SREK1IP1: variants seen among roughly 807,000 people sequenced by gnomAD.
The protein encoded by SREK1IP1 is protein SREK1IP1.
A neutral mutation model predicts 22.8 loss-of-function variants in SREK1IP1; 12 were observed. That is an observed-to-expected ratio of 0.53 (90% CI 0.34 to 0.85). The LOEUF (loss-of-function observed/expected upper bound fraction) is 0.85, where lower values mean the gene tolerates loss of function less well. SREK1IP1 is among the 40% of genes least tolerant of loss of function. The pLI is 0.02. For missense variants in SREK1IP1, 147 were observed against 171.8 expected (o/e 0.86, Z 0.81); for synonymous variants, 53 against 52.7 (o/e 1.01, Z -0.02).
At position 64,739,583 on chromosome 5, in the gene SREK1IP1, A is replaced by G. The variant is rs189537744; in HGVS notation, c.205+1474T>C. Among the ~76,000 whole-genome samples the G allele has an allele frequency of 5.0e-4, 76 of 152,240 alleles. 1 individual carries two copies. Among genetic ancestry groups the G allele is most frequent in the African/African-American group, 1.6e-3 (68 of 41,560 alleles). On this transcript the variant is annotated intron_variant, in intron 3 of 4. Transcript: ENST00000513458. ...AAGAATTTAGCTTTTTCAAGAGTGT[A>G]ATCAGTTATCACTCTTCTGCTTTTC...
At chr5:64,750,498 T>C (rs1208949622) in intron 2 of SREK1IP1, among the ~76,000 whole-genome samples, 2 of 152,058 alleles carry the variant, frequency 1.3e-5, no homozygotes, top group Non-Finnish European at 2.9e-5. Context: ...CCTCACAGAG[T>C]AGTCAGGCAA....
chr5:64,729,403 A>G (rs892136816), intron 3 of SREK1IP1, among the ~76,000 whole-genome samples: 1 of 152,216 alleles, frequency 6.6e-6, no homozygotes, highest in Non-Finnish European at 1.5e-5. Flanking sequence ...CGTTCTAGAA[A>G]CTAAGAAGAG....
At chr5:64,758,185 T>C (rs922220862) in intron 1 of SREK1IP1, among the ~76,000 whole-genome samples, 1 of 151,880 alleles carries the variant, frequency 6.6e-6, no homozygotes, top group Non-Finnish European at 1.5e-5. Context: ...CCTTCTTTTT[T>C]TGAGACTGAG....
rs1394676642 is a variant in SREK1IP1, at chr5:64,754,439, C to T, written c.14-77G>A. 2.2e-6 allele frequency: 3 copies of T among 1,387,420 alleles called. No individual in the cohort carries two copies. The African/African-American group carries it at 4.4e-5, about 20-fold the overall frequency. 85.9% of individuals were successfully genotyped at this position (1,387,420 alleles called of 1,614,324 possible). On this transcript the variant is annotated intron_variant, in intron 1 of 4. Transcript: ENST00000513458. Reference sequence around the variant, plus strand: ...TAAAAACTTTATTGTATGAAAAAAGCTAAGAAAAACCATTTGTTATAGAAT... The same window carrying T: ...TAAAAACTTTATTGTATGAAAAAAGTTAAGAAAAACCATTTGTTATAGAAT...
chr5:64,733,430 T>C (rs1018060947), intron 3 of SREK1IP1, among the ~76,000 whole-genome samples: 2 of 152,114 alleles, frequency 1.3e-5, no homozygotes, highest in Non-Finnish European at 2.9e-5. Context: ...AATGAAAAGA[T>C]GTATAACATC....
chr5:64,755,188 G>A (rs930217976), intron 1 of SREK1IP1, among the ~76,000 whole-genome samples: 5 of 149,384 alleles, frequency 3.3e-5, no homozygotes, highest in Middle Eastern at 3.2e-3. Flanking sequence ...ACTATCATTC[G>A]ACCCAGCAAT....
chr5:64,740,988 G>A (rs1315414386), intron 3 of SREK1IP1, 69 bp downstream of exon 3: 1 of 1,391,050 alleles, frequency 7.2e-7, no homozygotes, highest in East Asian at 2.3e-5. Flanking sequence ...TAAGTATAAT[G>A]GAAAGCATGA....
chr5:64,755,507 T>C (rs73097699), intron 1 of SREK1IP1, among the ~76,000 whole-genome samples: 7,685 of 152,020 alleles, frequency 0.051, 553 homozygotes, highest in African/African-American at 0.16. Context: ...AGCTGAAACA[T>C]TGGGTACTCA....
chr5:64,746,290 A>C lies in SREK1IP1; in HGVS notation c.62-5090T>G, dbSNP rs1261584269. ...GAAGAAAGCATAGGAGTAAATGTTC[A>C]TTACCTTGGATTTGGCAATGGATTC... On this transcript the variant is annotated intron_variant, in intron 2 of 4. Transcript: ENST00000513458. 7.2e-5 allele frequency among the ~76,000 whole-genome samples: 11 copies of C among 152,354 alleles called. No homozygotes were observed. In the South Asian group the frequency reaches 2.3e-3, roughly 32 times the overall value.
rs1318177403 is a variant in SREK1IP1, at chr5:64,720,471, T to A, written c.*3913A>T. The A allele has an allele frequency of 6.6e-6, 1 of 151,898 alleles. No homozygotes were observed. The highest frequency in any genetic ancestry group is 1.5e-5 in the Non-Finnish European group (1 of 67,986). The allele number at this position is 151,898 out of a possible 1,614,324, so 9.4% of individuals were successfully genotyped here. On this transcript the variant is annotated 3_prime_UTR_variant, in exon 5 of 5. Coordinates refer to ENST00000513458, the MANE Select transcript of SREK1IP1 (RefSeq NM_173829.4). Reference sequence around the variant, plus strand: ...GGGATTAATCGGATTATGAAATTGATAAAACCAAACCCTAATAAAAGTCAT... The same window carrying A: ...GGGATTAATCGGATTATGAAATTGAAAAAACCAAACCCTAATAAAAGTCAT...
chr5:64,756,063 A>C (rs1199841113), intron 1 of SREK1IP1, among the ~76,000 whole-genome samples: 2 of 152,162 alleles, frequency 1.3e-5, no homozygotes, highest in Non-Finnish European at 2.9e-5. Flanking sequence ...AATATTTACA[A>C]ATACAGTAAT....
At chr5:64,754,049 AACT>A (rs1435085308) in intron 2 of SREK1IP1, among the ~76,000 whole-genome samples, 8 of 152,202 alleles carry the variant, frequency 5.3e-5, no homozygotes, top group Non-Finnish European at 1.0e-4. Flanking sequence ...ACTTTCTCCA[AACT>A]CCTTAATCTA....
chr5:64,741,258 T>G, intron 2 of SREK1IP1, 58 bp from the exon 3 acceptor site: 2 of 1,506,054 alleles, frequency 1.3e-6, no homozygotes, highest in Non-Finnish European at 1.8e-6. Flanking sequence ...ATTATGTATT[T>G]TTGTATGTTT....
intron 2 of SREK1IP1, among the ~76,000 whole-genome samples, chr5:64,746,683 G>A (rs530617508): frequency 2.6e-5 from 4 of 152,220 alleles, no homozygotes; most frequent in East Asian, 1.9e-4. Flanking sequence ...TACTCACAAC[G>A]CTTCTGACAT....
chr5:64,758,657 T>C (rs1742892218), intron 1 of SREK1IP1, among the ~76,000 whole-genome samples: 1 of 152,214 alleles, frequency 6.6e-6, no homozygotes, highest in Admixed American at 6.5e-5. Flanking sequence ...TCATTACTAT[T>C]ACTACAACAG....
At chr5:64,725,320 A>T (rs1344630391) in intron 4 of SREK1IP1, among the ~76,000 whole-genome samples, 1 of 152,222 alleles carries the variant, frequency 6.6e-6, no homozygotes, top group East Asian at 1.9e-4. Context: ...CTATCTTTTA[A>T]GATCTTACTT....
At chr5:64,753,357 T>C (rs1326541045) in intron 2 of SREK1IP1, among the ~76,000 whole-genome samples, 1 of 152,202 alleles carries the variant, frequency 6.6e-6, no homozygotes, top group Non-Finnish European at 1.5e-5. Context: ...TATAAACAAA[T>C]TTAAAAATAG....
chr5:64,743,200 GAT>G, intron 2 of SREK1IP1, among the ~76,000 whole-genome samples: 1 of 152,140 alleles, frequency 6.6e-6, no homozygotes, highest in East Asian at 1.9e-4. Flanking sequence ...GGTCCCATAA[GAT>G]AATAATACTG....
rs201767372 is a variant in SREK1IP1 at position 64,765,356 on chromosome 5, G to A, written c.13+3149C>T. Among the ~76,000 whole-genome samples, 339 of 152,274 alleles carry A rather than the reference G, an allele frequency of 2.2e-3. 2 individuals are homozygous for A. The highest frequency in any genetic ancestry group is 3.9e-3 in the Non-Finnish European group (263 of 68,004). ...TGTGTGGTTTGCAGAAAGCAGCCTTGTTACTTTATAATCATACCTTGTCAT... is the reference window on the plus strand; with the variant it reads ...TGTGTGGTTTGCAGAAAGCAGCCTTATTACTTTATAATCATACCTTGTCAT... On this transcript the variant is annotated intron_variant, in intron 1 of 4. Transcript: ENST00000513458.
Sources: gnomAD v4.1 joint callset for allele counts (sites outside exome capture counted in the v4.1 genomes callset) on GRCh38, gnomAD v4.1.1 for gene constraint, MANE v1.5 for transcripts, NCBI Gene and HGNC (gene_info 2026-07-23, HGNC 2026-07-21) for gene names.